The following RUNX3 variants were observed in gnomAD, a reference collection of about 807,000 sequenced individuals.
RUNX3 encodes RUNX family transcription factor 3, also known as runt-related transcription factor 3.
RUNX3 carries 10 observed loss-of-function variants against 27.7 expected under a neutral mutation model. The observed-to-expected ratio is 0.36, with a 90% CI of 0.22 to 0.61. RUNX3 has a LOEUF of 0.61. Among genes scored for constraint, RUNX3 ranks in the 20% least tolerant of loss-of-function variants. The probability of loss-of-function intolerance (pLI) is 0.72; values close to 1 mark genes in which losing one functional copy is unlikely to be tolerated. For synonymous variants in RUNX3, 270 were observed against 269.2 expected, an observed-to-expected ratio of 1.00 and a Z score of -0.03; for missense variants, 469 against 629.5, an observed-to-expected ratio of 0.75 and a Z score of 2.73.
Position 24,927,422 on chromosome 1 carries a change from G to A in RUNX3, c.439+152C>T, listed in dbSNP as rs528110401. On this transcript the variant is annotated intron_variant, in intron 2 of 4. Transcript: ENST00000308873. This position sits in a 1 kb window ranked among gnomAD's most constrained non-coding sequence, Gnocchi z 5.0. ...TTTCCTCACCTCCTCAAAGCGATCT[G>A]TAATATCCTACAGGATTACAAATTG... 540 of 713,972 alleles carry A rather than the reference G, an allele frequency of 7.6e-4. 1 individual carries two copies. The highest frequency in any genetic ancestry group is 1.2e-3 in the Non-Finnish European group (489 of 417,796). 44.2% of individuals were successfully genotyped at this position (713,972 alleles called of 1,614,324 possible).
chr1:24,910,149 C>T (rs1160730538), intron 3 of RUNX3, among the ~76,000 whole-genome samples: 4 of 152,032 alleles, frequency 2.6e-5, no homozygotes, highest in Admixed American at 6.6e-5. Context: ...ATTAGCCGGG[C>T]GTGGTGGCGG....
chr1:24,931,729 G>T (rs376289836), upstream of RUNX3, among the ~76,000 whole-genome samples: 5 of 152,104 alleles, frequency 3.3e-5, no homozygotes, highest in African/African-American at 1.2e-4. Flanking sequence ...ATCAAGCCCC[G>T]CGTGCGCTCC....
At chr1:24,908,281 T>TACGAC (rs1208380994) in intron 3 of RUNX3, among the ~76,000 whole-genome samples, 2 of 150,980 alleles carry the variant, frequency 1.3e-5, no homozygotes, top group Admixed American at 1.3e-4. Context: ...TCCAAACCTC[T>TACGAC]ACGACATGTG....
At chr1:24,956,009 A>C (rs979856878) in intron 2 of RUNX3, among the ~76,000 whole-genome samples, 1 of 152,242 alleles carries the variant, frequency 6.6e-6, no homozygotes, top group Admixed American at 6.5e-5. Context: ...GCAGATTGGG[A>C]CCACACCTCA....
chr1:24,953,363 G>GAAAAAAAAAAAAAAAAAA (rs71577738), intron 2 of RUNX3, among the ~76,000 whole-genome samples: 2 of 60,712 alleles, frequency 3.3e-5, no homozygotes, highest in African/African-American at 7.3e-5. Context: ...GACTCCGTCT[G>GAAAAAAAAAAAAAAAAAA]AAAAAAAAAA....
intron 4 of RUNX3, among the ~76,000 whole-genome samples, chr1:24,903,893 G>C (rs1459809709): frequency 6.6e-6 from 1 of 152,226 alleles, no homozygotes; most frequent in African/African-American, 2.4e-5. Flanking sequence ...TAAAACATGA[G>C]ACGATAACAG....
chr1:24,909,139 C>T (rs528207215), intron 3 of RUNX3, among the ~76,000 whole-genome samples: 15 of 152,302 alleles, frequency 9.8e-5, no homozygotes, highest in African/African-American at 2.9e-4. Flanking sequence ...CACCCTCCTG[C>T]GGCCTGCTGA....
At chr1:24,949,900 T>C (rs1419060426) in intron 2 of RUNX3, among the ~76,000 whole-genome samples, 1 of 152,206 alleles carries the variant, frequency 6.6e-6, no homozygotes, top group Non-Finnish European at 1.5e-5. Flanking sequence ...TCAGGGTACC[T>C]GTGGGCGGGG....
At chr1:24,908,713 C>A (rs916055384) in intron 3 of RUNX3, among the ~76,000 whole-genome samples, 7 of 152,136 alleles carry the variant, frequency 4.6e-5, no homozygotes, top group Non-Finnish European at 7.4e-5. Context: ...GCTCATGCCC[C>A]CAAGGGAGGC....
Position 24,901,837 on chromosome 1 carries a change from G to T in RUNX3, c.*285C>A. The T allele has an allele frequency of 2.2e-6, 1 of 446,696 alleles. No individual in the cohort carries two copies. The allele number at this position is 446,696 out of a possible 1,614,324, so 27.7% of individuals were successfully genotyped here. A position where few individuals can be genotyped will look rare whatever the true frequency, so the allele number is the denominator to read the frequency against. ...CTGGAGACAGTGAGGTCCTTCCGGG[G>T]GGGTGGCAGGAGGCTGATTCCCCAC... is the stretch of plus-strand genomic sequence containing the variant. On this transcript the variant is annotated 3_prime_UTR_variant, in exon 5 of 5. Transcript: ENST00000308873.
chr1:24,932,659 G>A (rs193117777), upstream of RUNX3, among the ~76,000 whole-genome samples: 440 of 152,330 alleles, frequency 2.9e-3, 5 homozygotes, highest in African/African-American at 0.01. Flanking sequence ...AAGACCCACA[G>A]AACAGGCTAG....
In RUNX3 at chr1:24,929,982, G is replaced by T; in HGVS notation, c.-114C>A. The T allele has an allele frequency of 3.4e-6, 4 of 1,179,668 alleles. No individual in the cohort carries two copies. The highest frequency in any genetic ancestry group is 4.2e-6 in the Non-Finnish European group (4 of 956,092). The allele number at this position is 1,179,668 out of a possible 1,614,324, so 73.1% of individuals were successfully genotyped here. ...CCGCGAGAAGCGGGAAAGCAGAAGC[G>T]GCGGGGCCCGGGCCTCAGGGCGCAG... On this transcript the variant is annotated 5_prime_UTR_variant, in exon 1 of 5. Coordinates refer to ENST00000308873, the MANE Select transcript of RUNX3 (RefSeq NM_004350.3).
chr1:24,942,482 G>A (rs1418581147), intron 2 of RUNX3, among the ~76,000 whole-genome samples: 3 of 152,112 alleles, frequency 2.0e-5, no homozygotes, highest in African/African-American at 7.2e-5. Context: ...GGGAGAGAGG[G>A]GCTCTTGGCA....
chr1:24,950,683 C>G (rs1480349174), intron 2 of RUNX3, among the ~76,000 whole-genome samples: 1 of 152,076 alleles, frequency 6.6e-6, no homozygotes, highest in Non-Finnish European at 1.5e-5. Flanking sequence ...GGTACCTGGA[C>G]AAGCACAGGG....
chr1:24,961,554 C>G (rs1377845206), intron 2 of RUNX3: 1 of 152,220 alleles, frequency 6.6e-6, no homozygotes, highest in Non-Finnish European at 1.5e-5. Flanking sequence ...TCACAGCACA[C>G]AGGCGGCAGA....
intron 4 of RUNX3, among the ~76,000 whole-genome samples, chr1:24,906,645 G>C (rs1200456829): frequency 6.6e-6 from 1 of 152,232 alleles, no homozygotes; most frequent in Non-Finnish European, 1.5e-5. Flanking sequence ...AGTGGAGATG[G>C]AGACCCCAGC....
intron 2 of RUNX3, among the ~76,000 whole-genome samples, chr1:24,919,949 G>A (rs1449003241): frequency 2.0e-5 from 3 of 151,460 alleles, no homozygotes; most frequent in Admixed American, 6.6e-5. Context: ...CATAAACTTC[G>A]TTTTTAATGG....
intron 3 of RUNX3, among the ~76,000 whole-genome samples, chr1:24,918,178 G>C (rs1294313085): frequency 6.6e-6 from 1 of 152,164 alleles, no homozygotes; most frequent in East Asian, 1.9e-4. Flanking sequence ...TGGATGATGG[G>C]GTGTCAGGCC....
At chr1:24,936,250 G>A (rs1192328656) in intron 2 of RUNX3, among the ~76,000 whole-genome samples, 2 of 152,216 alleles carry the variant, frequency 1.3e-5, no homozygotes, top group Non-Finnish European at 2.9e-5. Context: ...TTCTTAGGGA[G>A]TAGCGACAGT....
Sources: allele counts gnomAD v4.1 joint callset (sites outside exome capture counted in the v4.1 genomes callset), GRCh38; gene constraint gnomAD v4.1.1; non-coding constraint Gnocchi (gnomAD v3.1); transcripts MANE v1.5; gene names NCBI Gene and HGNC (gene_info 2026-07-23, HGNC 2026-07-21).